DHDDS: variants seen among roughly 807,000 people sequenced by gnomAD.
DHDDS encodes the protein dehydrodolichyl diphosphate synthase complex subunit DHDDS.
DHDDS carries 16 observed loss-of-function variants against 46.2 expected under a neutral mutation model. The ratio of observed to expected loss-of-function variants is 0.35; its 90% CI spans 0.23 to 0.53. The LOEUF is 0.53. Ranked by LOEUF, DHDDS falls within the 20% of genes least tolerant of loss-of-function variation. The probability of loss-of-function intolerance (pLI) is 0.94; values close to 1 mark genes in which losing one functional copy is unlikely to be tolerated. For missense variants in DHDDS, 340 were observed against 423.7 expected (o/e 0.80, Z 1.73); for synonymous variants, 151 against 163.1 (o/e 0.93, Z 0.56).
chr1:26,467,591 G>A (rs1170520814), intron 8 of DHDDS: 1 of 293,238 alleles, frequency 3.4e-6, no homozygotes, highest in East Asian at 8.1e-5. Context: ...CATTGTGAGG[G>A]TCAAGTGAGG....
rs1365557242 is a variant in DHDDS at position 26,442,908 on chromosome 1, C to T, written c.323+35C>T. ...TATCAGAGGGGAGAGCATGTTCTTC[C>T]ACCACCCCCAGCCTTATCCTAACCC... is the stretch of plus-strand genomic sequence containing the variant. On this transcript the variant is annotated intron_variant, in intron 4 of 8. Transcript: ENST00000236342. 7 of 1,613,340 alleles carry T rather than the reference C, an allele frequency of 4.3e-6. No individual in the cohort carries two copies. In the Admixed American group the frequency reaches 8.3e-5, roughly 19 times the overall value.
At chr1:26,436,325 G>A (rs1005800062) in intron 2 of DHDDS, among the ~76,000 whole-genome samples, 1 of 152,038 alleles carries the variant, frequency 6.6e-6, no homozygotes, top group Non-Finnish European at 1.5e-5. Context: ...TTCTCCTCCC[G>A]AAAGGTGGAG....
At chr1:26,447,755 G>A (rs748749709) in intron 6 of DHDDS, 95 bp downstream of exon 6, 60 of 1,107,224 alleles carry the variant, frequency 5.4e-5, no homozygotes, top group East Asian at 7.5e-5. Flanking sequence ...TTAGGAGGCC[G>A]AGGTGGGCAG....
At chr1:26,455,575 C>T (rs190236298) in intron 6 of DHDDS, among the ~76,000 whole-genome samples, 103 of 152,180 alleles carry the variant, frequency 6.8e-4, no homozygotes, top group Non-Finnish European at 6.8e-4. Context: ...GGTAAAACCC[C>T]GTCTTTACTC....
intron 1 of DHDDS, chr1:26,432,598 G>T: frequency 2.8e-6 from 1 of 355,240 alleles, no homozygotes; most frequent in Non-Finnish European, 5.4e-6. Context: ...TCAAGATGTG[G>T]GCACCATGAT....
intron 6 of DHDDS, 107 bp from the exon 7 acceptor site, chr1:26,457,684 A>G: frequency 2.4e-6 from 2 of 820,532 alleles, no homozygotes; most frequent in Non-Finnish European, 4.2e-6. Flanking sequence ...ATTTGATGGT[A>G]TTGTATAAAC....
intron 8 of DHDDS, chr1:26,462,908 A>T (rs976616797): frequency 9.9e-5 from 15 of 152,208 alleles, no homozygotes; most frequent in African/African-American, 3.6e-4. Context: ...ACAAATATAT[A>T]AGTTCCGATT....
chr1:26,447,530 G>T, intron 5 of DHDDS, 29 bp from the exon 6 acceptor site: 2 of 1,574,658 alleles, frequency 1.3e-6, no homozygotes, highest in South Asian at 1.1e-5. Flanking sequence ...GTCCCCCTTT[G>T]GTAAATTATT....
intron 8 of DHDDS, 31 bp downstream of exon 8, chr1:26,460,175 G>T: frequency 1.3e-6 from 2 of 1,528,728 alleles, no homozygotes; most frequent in South Asian, 1.1e-5. Context: ...GGCCAGATGG[G>T]ATGGGATGGA....
chr1:26,440,791 TTC>T (rs1257418058), intron 3 of DHDDS, among the ~76,000 whole-genome samples: 2 of 152,210 alleles, frequency 1.3e-5, no homozygotes, highest in African/African-American at 4.8e-5. Flanking sequence ...GTTTCTTCTG[TTC>T]TGTTTGAATG....
chr1:26,455,013 G>C, intron 6 of DHDDS: 2 of 1,363,132 alleles, frequency 1.5e-6, no homozygotes, highest in Middle Eastern at 2.5e-4. Flanking sequence ...CGTCGGAATG[G>C]TACGCACTGT....
intron 6 of DHDDS, chr1:26,448,062 A>C (rs1220700286): frequency 2.5e-6 from 1 of 404,380 alleles, no homozygotes; most frequent in African/African-American, 2.0e-5. Context: ...ATTCCTTTAC[A>C]AATTATACCC....
intron 3 of DHDDS, among the ~76,000 whole-genome samples, chr1:26,441,082 A>G (rs896976306): frequency 6.6e-6 from 1 of 151,416 alleles, no homozygotes. Context: ...GCGCCACCAC[A>G]CCCGGCTAAT....
rs187638986 is a variant in DHDDS, at chr1:26,442,585, A to G, written c.181-146A>G. The G allele has an allele frequency of 3.3e-3, 3,007 of 921,874 alleles. 11 individuals are homozygous for G. Among genetic ancestry groups the G allele is most frequent in the Non-Finnish European group, 3.7e-3 (2,044 of 559,128 alleles). 57.1% of individuals were successfully genotyped at this position (921,874 alleles called of 1,614,324 possible). ...TTGATGCATTAATTCTGACATAAAC[A>G]CTGATGTTATCCTAGCTTCACCCAG... On this transcript the variant is annotated intron_variant, in intron 3 of 8. Transcript: ENST00000236342.
At chr1:26,432,793 T>A in intron 1 of DHDDS, 98 bp from the exon 2 acceptor site, 1 of 741,002 alleles carries the variant, frequency 1.3e-6, no homozygotes. Context: ...TGGATTCTAA[T>A]GCTGGCTGCT....
chr1:26,437,698 A>T (rs542410314), intron 2 of DHDDS, among the ~76,000 whole-genome samples: 62 of 151,938 alleles, frequency 4.1e-4, no homozygotes, highest in Non-Finnish European at 7.2e-4. Flanking sequence ...CTGGTCTCGA[A>T]TGCCTGACCT....
At chr1:26,438,090 A>T in intron 2 of DHDDS, 78 bp from the exon 3 acceptor site, 1 of 1,476,604 alleles carries the variant, frequency 6.8e-7, no homozygotes, top group Non-Finnish European at 9.5e-7. Flanking sequence ...GCCCAAACAT[A>T]TCACCTTGGG....
At chr1:26,437,160 A>C (rs2075167944) in intron 2 of DHDDS, among the ~76,000 whole-genome samples, 1 of 151,046 alleles carries the variant, frequency 6.6e-6, no homozygotes, top group Non-Finnish European at 1.5e-5. Context: ...ACAGAGCGAG[A>C]CTCCTTCTCA....
intron 6 of DHDDS, among the ~76,000 whole-genome samples, chr1:26,455,393 C>T (rs74061168): frequency 0.019 from 2,853 of 152,126 alleles, 86 homozygotes; most frequent in African/African-American, 0.065. Context: ...ACTGTTTCCT[C>T]TGTGATGATG....
Sources: gnomAD v4.1 joint callset for allele counts (sites outside exome capture counted in the v4.1 genomes callset) on GRCh38, gnomAD v4.1.1 for gene constraint, MANE v1.5 for transcripts, NCBI Gene and HGNC (gene_info 2026-07-23, HGNC 2026-07-21) for gene names.